The following RIC3 variants were observed in gnomAD, a reference collection of about 807,000 sequenced individuals.
RIC3 encodes protein RIC-3.
A neutral mutation model predicts 27.3 loss-of-function variants in RIC3; 28 were observed. The observed-to-expected ratio is 1.02, with a 90% CI of 0.76 to 1.41. RIC3 has a LOEUF of 1.41. Among genes scored for constraint, RIC3 ranks in the 40% most tolerant of loss-of-function variants. The pLI, the probability that RIC3 is intolerant of heterozygous loss-of-function variation, is 0.00. For missense variants in RIC3, 501 were observed against 444.7 expected, an observed-to-expected ratio of 1.13 and a Z score of -1.14; for synonymous variants, 184 against 160.4, an observed-to-expected ratio of 1.15 and a Z score of -1.11.
chr11:8,144,794 T>C (rs1251258082), intron 1 of RIC3, among the ~76,000 whole-genome samples: 1 of 151,818 alleles, frequency 6.6e-6, no homozygotes, highest in Non-Finnish European at 1.5e-5. Flanking sequence ...TGTCCAACAA[T>C]GATAGACTAG....
chr11:8,118,646 T>A (rs552458155), intron 5 of RIC3, among the ~76,000 whole-genome samples: 39 of 150,818 alleles, frequency 2.6e-4, no homozygotes, highest in South Asian at 6.3e-4. Context: ...GGCAGTTGGA[T>A]CACCTGAGGT....
intron 2 of RIC3, chr11:8,139,264 T>A (rs1248302798): frequency 6.6e-6 from 1 of 152,526 alleles, no homozygotes; most frequent in Non-Finnish European, 1.5e-5. Context: ...GAACTCATCT[T>A]ATTTAAGCTT....
At chr11:8,096,656 C>T in the RIC3 span, 1 of 1,466,022 alleles carries the variant, frequency 6.8e-7, no homozygotes, top group South Asian at 1.1e-5. Context: ...TCTCCTCCTT[C>T]ATCCCTTCTT....
rs1565133291 is a variant in RIC3, at chr11:8,161,895, C to CAACCACTGT, written c.124+6970_124+6971insACAGTGGTT. Among the ~76,000 whole-genome samples, 71 of 147,584 alleles carry CAACCACTGT rather than the reference C, an allele frequency of 4.8e-4. 2 individuals carry two copies. The highest frequency in any genetic ancestry group is 4.0e-3 in the Admixed American group (57 of 14,292). ...GAGGAGGTAATGTCCGAAACTGTTG[C>CAACCACTGT]TATAAATGAGACACTCACTTTCTCC... is the stretch of plus-strand genomic sequence containing the variant. On this transcript the variant is annotated intron_variant, in intron 1 of 5. Transcript: ENST00000309737.
chr11:8,161,124 T>C (rs1489954469), intron 1 of RIC3, among the ~76,000 whole-genome samples: 1 of 152,160 alleles, frequency 6.6e-6, no homozygotes, highest in Non-Finnish European at 1.5e-5. Flanking sequence ...GGTAGAGGAA[T>C]AGTCAATTAT....
the RIC3 span, chr11:8,098,626 G>A: frequency 3.0e-6 from 2 of 675,314 alleles, no homozygotes; most frequent in Non-Finnish European, 5.3e-6. Context: ...TCAGTGAGCA[G>A]TATGCCTCCC....
chr11:8,150,236 G>C (rs1437395912), intron 1 of RIC3, among the ~76,000 whole-genome samples: 2 of 152,124 alleles, frequency 1.3e-5, no homozygotes, highest in Non-Finnish European at 1.5e-5. Flanking sequence ...CACCCTGAAG[G>C]TTGTAACCCT....
intron 1 of RIC3, among the ~76,000 whole-genome samples, chr11:8,146,716 T>C (rs1195297273): frequency 6.6e-6 from 1 of 152,040 alleles, no homozygotes; most frequent in African/African-American, 2.4e-5. Context: ...GGCAGGATAA[T>C]TTGAAAGGCG....
In RIC3 at chr11:8,116,429, A is replaced by C. The variant is rs77395273; in HGVS notation, c.671-5292T>G. ...CCATGCAACAAAAGTGAAAATAGACAAATGGGATTACTGAAAGTTTCTGTA... is the reference window on the plus strand; with the variant it reads ...CCATGCAACAAAAGTGAAAATAGACCAATGGGATTACTGAAAGTTTCTGTA... On this transcript the variant is annotated intron_variant, in intron 5 of 5. Transcript: ENST00000309737. 5.3e-4 allele frequency among the ~76,000 whole-genome samples: 81 copies of C among 151,668 alleles called. No individual in the cohort carries two copies. The East Asian group carries it at 0.016, about 29-fold the overall frequency.
chr11:8,100,261 G>A, the RIC3 span, among the ~76,000 whole-genome samples: 10 of 151,190 alleles, frequency 6.6e-5, no homozygotes, highest in Non-Finnish European at 1.5e-4. Context: ...TAGTTTGCCG[G>A]AGCGAGTGGA....
chr11:8,118,870 CAAAAAAA>C (rs71059152), intron 5 of RIC3, among the ~76,000 whole-genome samples: 2 of 137,044 alleles, frequency 1.5e-5, no homozygotes, highest in African/African-American at 5.8e-5. Context: ...GACTCCATCT[CAAAAAAA>C]AAAAAGAAAA....
At chr11:8,101,210 A>C (rs910429478), downstream of RIC3, among the ~76,000 whole-genome samples, 24 of 152,282 alleles carry the variant, frequency 1.6e-4, no homozygotes, top group African/African-American at 5.8e-4. Flanking sequence ...TGTGTATTCA[A>C]CGGAGTCTCA....
chr11:8,137,751 C>T (rs567789447), intron 3 of RIC3, among the ~76,000 whole-genome samples: 4 of 152,224 alleles, frequency 2.6e-5, no homozygotes, highest in African/African-American at 4.8e-5. Flanking sequence ...TTTGCCAAGT[C>T]TCTTACTTGC....
intron 5 of RIC3, among the ~76,000 whole-genome samples, chr11:8,112,243 C>CT (rs1391735760): frequency 2.6e-5 from 4 of 151,530 alleles, no homozygotes; most frequent in African/African-American, 4.8e-5. Context: ...TTTTTCTGGT[C>CT]TTTTTTTAAC....
In RIC3 at chr11:8,106,382, A is replaced by G. The variant is rs922240919; in HGVS notation, c.*4316T>C. The stretch of plus-strand genomic sequence containing the variant: ...TAGCAAAGAGATCATAACCTCACCA[A>G]TGACATGTGGGTCAACACTGTCCTT... On this transcript the variant is annotated 3_prime_UTR_variant, in exon 6 of 6. Coordinates refer to ENST00000309737, the MANE Select transcript of RIC3 (RefSeq NM_001206671.4). 2.6e-5 allele frequency: 4 copies of G among 152,234 alleles called. No individual in the cohort carries two copies. Among genetic ancestry groups the G allele is most frequent in the African/African-American group, 7.2e-5 (3 of 41,452 alleles). The allele number at this position is 152,234 out of a possible 1,614,324, so 9.4% of individuals were successfully genotyped here.
At position 8,163,084 on chromosome 11, in the gene RIC3, A is replaced by G. The variant is rs145764486; in HGVS notation, c.124+5782T>C. On this transcript the variant is annotated intron_variant, in intron 1 of 5. Transcript: ENST00000309737. ...ACACACACACCCCCCAAAACACTTT[A>G]AGAACTGCCTCCTCAATTTAGCCAA... 2.3e-3 allele frequency among the ~76,000 whole-genome samples: 339 copies of G among 145,210 alleles called. 3 individuals carry two copies. The highest frequency in any genetic ancestry group is 8.4e-3 in the African/African-American group (324 of 38,560).
At chr11:8,093,695 T>C in the RIC3 span, among the ~76,000 whole-genome samples, 8 of 152,332 alleles carry the variant, frequency 5.3e-5, no homozygotes, top group South Asian at 8.3e-4. Context: ...CCGTCTTCAA[T>C]GGCCATATCC....
At chr11:8,153,064 T>C (rs1461342992) in intron 1 of RIC3, among the ~76,000 whole-genome samples, 2 of 152,166 alleles carry the variant, frequency 1.3e-5, no homozygotes, top group Non-Finnish European at 2.9e-5. Flanking sequence ...AAACCTGTAT[T>C]AGAATTAAGG....
chr11:8,143,834 T>C (rs1949346647), intron 1 of RIC3, among the ~76,000 whole-genome samples: 1 of 152,082 alleles, frequency 6.6e-6, no homozygotes, highest in Admixed American at 6.5e-5. Flanking sequence ...AACAGAGATA[T>C]AGATCAATGG....
Sources: allele counts gnomAD v4.1 joint callset (sites outside exome capture counted in the v4.1 genomes callset), GRCh38; gene constraint gnomAD v4.1.1; transcripts MANE v1.5; gene names NCBI Gene and HGNC (gene_info 2026-07-23, HGNC 2026-07-21).